The following BCLAF3 variants were observed in gnomAD, a reference collection of about 807,000 sequenced individuals.
The protein encoded by BCLAF3 is transient octamer binding factor 1.
A neutral mutation model predicts 51.2 loss-of-function variants in BCLAF3; 24 were observed. The ratio of observed to expected loss-of-function variants is 0.47; its 90% CI spans 0.34 to 0.66. The LOEUF (loss-of-function observed/expected upper bound fraction) is 0.66, where lower values mean the gene tolerates loss of function less well. BCLAF3 is among the 30% of genes least tolerant of loss of function. BCLAF3 has a pLI of 0.01. For synonymous variants in BCLAF3, 152 were observed against 176.6 expected, an observed-to-expected ratio of 0.86 and a Z score of 1.10; for missense variants, 465 against 525.1, an observed-to-expected ratio of 0.89 and a Z score of 1.12.
chrX:19,923,376 C>A, intron 11 of BCLAF3: 1 of 172,706 alleles, frequency 5.8e-6, no homozygotes, highest in Non-Finnish European at 1.2e-5. Flanking sequence ...ACGTTTCCAG[C>A]TTGGCTTGTC....
chrX:19,975,794 G>C (rs957492188), intron 1 of BCLAF3, among the ~76,000 whole-genome samples: 160 of 111,899 alleles, frequency 1.4e-3, no homozygotes, highest in African/African-American at 4.9e-3. Flanking sequence ...TGGCTGCCAG[G>C]AGCATTTCAC....
intron 10 of BCLAF3, 98 bp from the exon 11 acceptor site, chrX:19,930,038 C>A (rs759287915): frequency 1.2e-6 from 1 of 831,121 alleles, no homozygotes; most frequent in Non-Finnish European, 1.7e-6. Flanking sequence ...CAGTAGCTCA[C>A]GCCTGTAATC....
chrX:19,916,092 T>C lies in BCLAF3; in HGVS notation c.*1213A>G, dbSNP rs1267899125. 8.9e-6 allele frequency: 1 copy of C among 112,007 alleles called. No homozygotes were observed. Among genetic ancestry groups the C allele is most frequent in the Non-Finnish European group, 1.9e-5 (1 of 53,142 alleles). 9.2% of individuals were successfully genotyped at this position (112,007 alleles called of 1,213,427 possible). On this transcript the variant is annotated 3_prime_UTR_variant, in exon 12 of 12. Transcript: ENST00000379682. ...TACTAAGATTTTTCACATCCAGTCA[T>C]GAAAAACCAAGTTCTTATCAACCTT...
At chrX:19,933,995 C>T (rs1378455593) in intron 10 of BCLAF3, among the ~76,000 whole-genome samples, 1 of 110,898 alleles carries the variant, frequency 9.0e-6, no homozygotes, top group African/African-American at 3.3e-5. Flanking sequence ...AGGCTCTTCT[C>T]GAACTCCTGA....
chrX:19,917,123 T>C lies in BCLAF3; in HGVS notation c.*182A>G. 1 of 478,223 alleles carries C rather than the reference T, an allele frequency of 2.1e-6. No individual in the cohort carries two copies. Among genetic ancestry groups the C allele is most frequent in the East Asian group, 3.7e-5 (1 of 27,345 alleles). 39.4% of individuals were successfully genotyped at this position (478,223 alleles called of 1,213,427 possible). A position where few individuals can be genotyped will look rare whatever the true frequency, so the allele number is the denominator to read the frequency against. On this transcript the variant is annotated 3_prime_UTR_variant, in exon 12 of 12. Coordinates refer to ENST00000379682, the MANE Select transcript of BCLAF3 (RefSeq NM_001367774.2). ...TTAATACAACTTTTAAATTGAATAC[T>C]GTAATTTAAAAGCAATTGTTAGGTG...
intron 10 of BCLAF3, 132 bp from the exon 11 acceptor site, chrX:19,930,072 A>G: frequency 1.8e-6 from 1 of 567,788 alleles, no homozygotes; most frequent in Non-Finnish European, 2.7e-6. Context: ...AGACTGAGGC[A>G]GAACTCCTCA....
chrX:19,972,049 C>A (rs1478254353), intron 1 of BCLAF3, among the ~76,000 whole-genome samples: 1 of 112,143 alleles, frequency 8.9e-6, no homozygotes, highest in Non-Finnish European at 1.9e-5. Flanking sequence ...AAAGGAAGTA[C>A]AATCAATTCA....
intron 1 of BCLAF3, among the ~76,000 whole-genome samples, chrX:19,976,297 C>T (rs182618496): frequency 1.5e-3 from 172 of 112,403 alleles, no homozygotes; most frequent in Non-Finnish European, 2.4e-3. Context: ...CAGGAAATAA[C>T]ATGAAAATAA....
chrX:19,964,213 T>C (rs1302716766), intron 4 of BCLAF3, among the ~76,000 whole-genome samples: 1 of 110,626 alleles, frequency 9.0e-6, no homozygotes, highest in Non-Finnish European at 1.9e-5. Context: ...ATACTGGTAG[T>C]GTATTAAGGT....
Position 19,982,958 on chromosome X carries a change from C to CT in BCLAF3, c.-35+7949dup, listed in dbSNP as rs749753466. 5.6e-3 allele frequency among the ~76,000 whole-genome samples: 403 copies of CT among 72,263 alleles called. 2 individuals are homozygous for CT. Among genetic ancestry groups the CT allele is most frequent in the East Asian group, 0.011 (28 of 2,656 alleles). The allele number at this position is 72,263 out of a possible 115,157, so 62.8% of individuals were successfully genotyped here. The stretch of plus-strand genomic sequence containing the variant: ...AACCAAAGTGATTCCTTTTTTTTTT[C>CT]TTTTTTTTTTTTTTTTTTGAGACGG... On this transcript the variant is annotated intron_variant, in intron 1 of 11. Coordinates refer to ENST00000379682, the MANE Select transcript of BCLAF3 (RefSeq NM_001367774.2).
At chrX:19,980,972 TAG>T (rs1274304147) in intron 1 of BCLAF3, among the ~76,000 whole-genome samples, 1 of 106,514 alleles carries the variant, frequency 9.4e-6, no homozygotes, top group Non-Finnish European at 1.9e-5. Flanking sequence ...CACATTGTGA[TAG>T]AGTTAAAAAA....
intron 8 of BCLAF3, among the ~76,000 whole-genome samples, chrX:19,939,688 CA>C (rs2070924524): frequency 8.9e-6 from 1 of 111,748 alleles, no homozygotes; most frequent in South Asian, 3.7e-4. Flanking sequence ...AACAGATAAA[CA>C]AAATGTAGTA....
chrX:19,973,696 T>C (rs2072325050), intron 1 of BCLAF3, among the ~76,000 whole-genome samples: 1 of 112,122 alleles, frequency 8.9e-6, no homozygotes, highest in Non-Finnish European at 1.9e-5. Flanking sequence ...CCTCTGGGCT[T>C]CTTTCTCCTT....
chrX:19,947,249 A>T (rs1446077827), intron 8 of BCLAF3, among the ~76,000 whole-genome samples: 33 of 112,251 alleles, frequency 2.9e-4, no homozygotes, highest in Non-Finnish European at 9.4e-5. Context: ...CTCCTTGTTA[A>T]AAAATAAAAA....
rs1180507187 is a variant in BCLAF3 at position 19,950,868 on chromosome X, T to C, written c.1630A>G (p.Thr544Ala). The change falls in exon 8 of 12, where the codon ACT (threonine) becomes GCT (alanine). Residue 544 changes from threonine to alanine, a missense_variant and splice_region_variant. Transcript: ENST00000379682. Reference sequence around the variant, plus strand: ...TTTGGATCTATTATTTTGATCAGAGTCTGAGGAATTTTGACAGAAGACAAA... The same window carrying C: ...TTTGGATCTATTATTTTGATCAGAGCCTGAGGAATTTTGACAGAAGACAAA... ...KQAVIYESEQ[T>A]LIKIIDPNDL... The C allele has an allele frequency of 8.5e-7, 1 of 1,171,132 alleles. No homozygotes were observed. Among genetic ancestry groups the C allele is most frequent in the South Asian group, 1.8e-5 (1 of 55,240 alleles).
chrX:19,977,646 T>G (rs995069101), intron 1 of BCLAF3, among the ~76,000 whole-genome samples: 4 of 112,661 alleles, frequency 3.6e-5, no homozygotes, highest in Non-Finnish European at 5.6e-5. Flanking sequence ...AGGCAGCAAG[T>G]GCTGACGGAG....
At position 19,917,338 on chromosome X, in the gene BCLAF3, T is replaced by C. The variant is rs371060714; in HGVS notation, c.2107-4A>G. The C allele has an allele frequency of 2.0e-5, 24 of 1,188,910 alleles. No homozygotes were observed. The highest frequency in any genetic ancestry group is 2.3e-5 in the Non-Finnish European group (20 of 879,600). On this transcript the variant is annotated splice_polypyrimidine_tract_variant and splice_region_variant and intron_variant, in intron 11 of 11. Transcript: ENST00000379682. The stretch of plus-strand genomic sequence containing the variant: ...CTGTGGCAACATCTGTATATTCCTA[T>C]TGAGAGAAAACAAGAGAAATAAAGA...
chrX:19,978,603 A>G (rs1256777009), intron 1 of BCLAF3, among the ~76,000 whole-genome samples: 1 of 112,373 alleles, frequency 8.9e-6, no homozygotes, highest in Non-Finnish European at 1.9e-5. Flanking sequence ...TGCTATGAAC[A>G]TCGTTGAAAT....
chrX:19,954,480 T>TA (rs2147900598), intron 5 of BCLAF3, among the ~76,000 whole-genome samples: 1 of 112,005 alleles, frequency 8.9e-6, no homozygotes, highest in African/African-American at 3.2e-5. Flanking sequence ...TCCTCTTCCC[T>TA]AATTTACTGT....
Sources: gnomAD v4.1 joint callset for allele counts (sites outside exome capture counted in the v4.1 genomes callset) on GRCh38, gnomAD v4.1.1 for gene constraint, MANE v1.5 for transcripts, NCBI Gene and HGNC (gene_info 2026-07-23, HGNC 2026-07-21) for gene names.